The following EPB41L1 variants were observed in gnomAD, a reference collection of about 807,000 sequenced individuals.
The protein encoded by EPB41L1 is band 4.1-like protein 1.
EPB41L1 carries 29 observed loss-of-function variants against 97.8 expected under a neutral mutation model. That is an observed-to-expected ratio of 0.30 (90% confidence interval 0.22 to 0.40). The LOEUF (loss-of-function observed/expected upper bound fraction) is 0.40, where lower values mean the gene tolerates loss of function less well. Among genes scored for constraint, EPB41L1 ranks in the 10% least tolerant of loss-of-function variants. The probability of loss-of-function intolerance (pLI) is 1.00; values close to 1 mark genes in which losing one functional copy is unlikely to be tolerated. For synonymous variants in EPB41L1, 383 were observed against 459.2 expected (o/e 0.83, Z 2.12); for missense variants, 812 against 1,162.3 (o/e 0.70, Z 4.38).
intron 17 of EPB41L1, among the ~76,000 whole-genome samples, chr20:36,218,326 G>A (rs949177017): frequency 6.6e-6 from 1 of 152,116 alleles, no homozygotes; most frequent in East Asian, 1.9e-4. Context: ...ATGATGCCTC[G>A]CACATAGCAA....
intron 2 of EPB41L1, among the ~76,000 whole-genome samples, chr20:36,113,398 A>T (rs2058474837): frequency 6.7e-6 from 1 of 149,042 alleles, no homozygotes. Flanking sequence ...CCCCTAGGGA[A>T]ACTTTCCATT....
chr20:36,169,573 C>A (rs952276404), intron 1 of EPB41L1, among the ~76,000 whole-genome samples: 20 of 152,302 alleles, frequency 1.3e-4, no homozygotes, highest in Middle Eastern at 3.4e-3. Context: ...TGGTGCTCAC[C>A]TTTACAGGCT....
At chr20:36,184,981 A>C (rs1227002278) in intron 6 of EPB41L1, 136 bp from the exon 7 acceptor site, 5 of 813,472 alleles carry the variant, frequency 6.1e-6, no homozygotes, top group Non-Finnish European at 1.0e-5. Flanking sequence ...CAGATTGTCA[A>C]TATATGAAGC....
chr20:36,223,086 CG>C (rs1217809167), intron 21 of EPB41L1, among the ~76,000 whole-genome samples: 1 of 152,200 alleles, frequency 6.6e-6, no homozygotes, highest in Non-Finnish European at 1.5e-5. Context: ...TTAGTAAAGA[CG>C]TGGTTTCACC....
At chr20:36,104,493 AAGAG>A (rs2058125630) in intron 1 of EPB41L1, among the ~76,000 whole-genome samples, 1 of 152,138 alleles carries the variant, frequency 6.6e-6, no homozygotes, top group African/African-American at 2.4e-5. Flanking sequence ...CATTGAGAGT[AAGAG>A]AGAGACTGCC....
intron 2 of EPB41L1, among the ~76,000 whole-genome samples, chr20:36,137,052 C>CA (rs1418587727): frequency 6.7e-6 from 1 of 148,246 alleles, no homozygotes; most frequent in Non-Finnish European, 1.5e-5. Flanking sequence ...CTAAGTTTTT[C>CA]TTTTTTTCCT....
chr20:36,194,158 C>G, intron 11 of EPB41L1, 54 bp from the exon 12 acceptor site: 1 of 1,611,060 alleles, frequency 6.2e-7, no homozygotes, highest in Non-Finnish European at 8.5e-7. Flanking sequence ...GGTTCTCTGT[C>G]TGTTCTCTGG....
At chr20:36,216,619 C>CT (rs1348356975) in intron 17 of EPB41L1, among the ~76,000 whole-genome samples, 1 of 152,240 alleles carries the variant, frequency 6.6e-6, no homozygotes, top group Non-Finnish European at 1.5e-5. Context: ...CCTTCTCTCT[C>CT]TCTCCTTCCT....
At chr20:36,159,628 G>A (rs181269213) in intron 1 of EPB41L1, among the ~76,000 whole-genome samples, 24 of 152,324 alleles carry the variant, frequency 1.6e-4, no homozygotes, top group Non-Finnish European at 3.1e-4. Flanking sequence ...CTTGTCCGAT[G>A]AAAGAATGAG....
chr20:36,164,848 G>C lies in EPB41L1; in HGVS notation c.-14-8916G>C, dbSNP rs1007086959. 3.4e-4 allele frequency among the ~76,000 whole-genome samples: 52 copies of C among 152,018 alleles called. 1 individual carries two copies. The Middle Eastern group carries it at 0.01, about 30-fold the overall frequency. ...CTACAGGAGCCTGCCACCATGCCCG[G>C]CTAATTTTTGTATTTTTAGTAGAGA... On this transcript the variant is annotated intron_variant, in intron 1 of 21. Coordinates refer to ENST00000338074, the MANE Select transcript of EPB41L1 (RefSeq NM_012156.2).
At chr20:36,210,056 G>T (rs912686679) in intron 15 of EPB41L1, among the ~76,000 whole-genome samples, 158 bp downstream of exon 15, 1 of 152,160 alleles carries the variant, frequency 6.6e-6, no homozygotes, top group Non-Finnish European at 1.5e-5. Context: ...TTCTGTGCTC[G>T]CATGTTTGCC....
chr20:36,163,264 A>G (rs1239865671), intron 1 of EPB41L1, among the ~76,000 whole-genome samples: 1 of 152,112 alleles, frequency 6.6e-6, no homozygotes, highest in African/African-American at 2.4e-5. Context: ...TATTGTTAAC[A>G]TTTTAGTCTT....
chr20:36,177,529 T>C (rs1289999253), intron 3 of EPB41L1, among the ~76,000 whole-genome samples: 1 of 152,080 alleles, frequency 6.6e-6, no homozygotes, highest in Non-Finnish European at 1.5e-5. Context: ...CCTCCCCTTC[T>C]CCCCCTGCCC....
At chr20:36,161,034 A>G (rs2060504481) in intron 1 of EPB41L1, among the ~76,000 whole-genome samples, 1 of 152,200 alleles carries the variant, frequency 6.6e-6, no homozygotes, top group Non-Finnish European at 1.5e-5. Context: ...AAACCATGAG[A>G]CCGTGAGAGT....
Position 36,209,419 on chromosome 20 carries a change from A to T in EPB41L1, c.1669-69A>T. ...CCCGAGATTTCTCCTGACATTCACC[A>T]TCTTGATTTCTCTTTCTCTCTCTCT... On this transcript the variant is annotated intron_variant, in intron 14 of 21. Transcript: ENST00000338074. This position sits in a 1 kb window ranked among gnomAD's most constrained non-coding sequence, Gnocchi z 4.2. The T allele has an allele frequency of 6.5e-7, 1 of 1,548,470 alleles. No homozygotes were observed. The highest frequency in any genetic ancestry group is 1.2e-5 in the South Asian group (1 of 82,672).
Position 36,173,799 on chromosome 20 carries a change from G to A in EPB41L1, c.22G>A (p.Asp8Asn), listed in dbSNP as rs777563514. ...CACCATGACAACAGAGACAGGCCCC[G>A]ACTCTGAGGTGAAGAAAGCTCAGGA... is the stretch of plus-strand genomic sequence containing the variant. Reference protein sequence around the residue: MTTETGPDSEVKKAQEEA... With the variant: MTTETGPNSEVKKAQEEA... The change falls in exon 2 of 22, where the codon GAC becomes AAC. Residue 8 changes from aspartate (D) to asparagine (N), a missense_variant. By Grantham distance (23) the Asp-to-Asn change is conservative. Transcript: ENST00000338074. 1.5e-5 allele frequency: 25 copies of A among 1,613,988 alleles called. No homozygotes were observed. The highest frequency in any genetic ancestry group is 7.7e-5 in the South Asian group (7 of 91,070).
chr20:36,097,997 ATGGT>A (rs2057888823), intron 1 of EPB41L1, among the ~76,000 whole-genome samples: 1 of 152,136 alleles, frequency 6.6e-6, no homozygotes, highest in Non-Finnish European at 1.5e-5. Flanking sequence ...GTGACAGAGG[ATGGT>A]TGGTCTGGGA....
In EPB41L1 at chr20:36,174,775, C is replaced by T. The variant is rs891264752; in HGVS notation, c.178-776C>T. On this transcript the variant is annotated intron_variant, in intron 2 of 21. Coordinates refer to ENST00000338074, the MANE Select transcript of EPB41L1 (RefSeq NM_012156.2). Reference sequence around the variant, plus strand: ...CTAAAGAGGGTAGCTACTAACTCCCCCATTTTACACCTGGGGAAACTGAGC... The same window carrying T: ...CTAAAGAGGGTAGCTACTAACTCCCTCATTTTACACCTGGGGAAACTGAGC... Among the ~76,000 whole-genome samples, 4 of 152,098 alleles carry T rather than the reference C, an allele frequency of 2.6e-5. No individual in the cohort carries two copies. In the East Asian group the frequency reaches 5.8e-4, roughly 22 times the overall value.
intron 16 of EPB41L1, among the ~76,000 whole-genome samples, 153 bp from the exon 17 acceptor site, chr20:36,214,204 G>A (rs986597744): frequency 4.6e-5 from 7 of 152,170 alleles, no homozygotes; most frequent in Non-Finnish European, 1.0e-4. Flanking sequence ...AGGGCCTGTT[G>A]CACCTCTGTG....
Sources: gnomAD v4.1 joint callset for allele counts (sites outside exome capture counted in the v4.1 genomes callset) on GRCh38, gnomAD v4.1.1 for gene constraint, Gnocchi (gnomAD v3.1) non-coding constraint, MANE v1.5 for transcripts, NCBI Gene and HGNC (gene_info 2026-07-23, HGNC 2026-07-21) for gene names.